Variants in CSMD3 observed in about 807,000 individuals in gnomAD.
The protein encoded by CSMD3 is CUB and sushi domain-containing protein 3.
A neutral mutation model predicts 435.2 loss-of-function variants in CSMD3; 177 were observed. The ratio of observed to expected loss-of-function variants is 0.41; its 90% confidence interval spans 0.36 to 0.46. The LOEUF (loss-of-function observed/expected upper bound fraction) is 0.46, where lower values mean the gene tolerates loss of function less well. Among genes scored for constraint, CSMD3 ranks in the 20% least tolerant of loss-of-function variants. The pLI, the probability that CSMD3 is intolerant of heterozygous loss-of-function variation, is 0.34. For missense variants in CSMD3, 4,265 were observed against 4,504.6 expected, an observed-to-expected ratio of 0.95 and a Z score of 1.52; for synonymous variants, 1,656 against 1,520.5, an observed-to-expected ratio of 1.09 and a Z score of -2.07.
At chr8:112,622,613 C>T (rs13256001) in intron 22 of CSMD3, among the ~76,000 whole-genome samples, 91,677 of 151,836 alleles carry the variant, frequency 0.6, 28,812 homozygotes, top group African/African-American at 0.78. Flanking sequence ...TAATTTGGTC[C>T]GTATGCAAAA....
intron 22 of CSMD3, among the ~76,000 whole-genome samples, chr8:112,614,361 T>C (rs972103953): frequency 1.3e-5 from 2 of 152,136 alleles, no homozygotes. Flanking sequence ...TGTTTGTCCC[T>C]TTGACAAGCC....
intron 23 of CSMD3, among the ~76,000 whole-genome samples, chr8:112,579,015 G>C (rs962852724): frequency 2.0e-5 from 3 of 151,912 alleles, no homozygotes; most frequent in Non-Finnish European, 4.4e-5. Context: ...GTTTTTGCCA[G>C]ACTTTTGTGT....
intron 3 of CSMD3, among the ~76,000 whole-genome samples, chr8:113,186,951 T>C (rs1015171978): frequency 2.0e-5 from 3 of 151,950 alleles, no homozygotes; most frequent in South Asian, 4.1e-4. Flanking sequence ...CTCTACACCA[T>C]GCATGCTTGG....
chr8:113,409,079 CTTTTTTTTT>C (rs1218107775), intron 1 of CSMD3, among the ~76,000 whole-genome samples: 1 of 99,092 alleles, frequency 1.0e-5, no homozygotes, highest in African/African-American at 3.8e-5. Context: ...TCTTCTTCTT[CTTTTTTTTT>C]TTTTTTTTTT....
chr8:113,311,667 T>G (rs2093870124), intron 2 of CSMD3: 1 of 152,134 alleles, frequency 6.6e-6, no homozygotes, highest in African/African-American at 2.4e-5. Flanking sequence ...TTTCGACTTC[T>G]AATCAAACAG....
intron 67 of CSMD3, among the ~76,000 whole-genome samples, chr8:112,236,953 AG>A (rs1337130507): frequency 6.6e-6 from 1 of 152,136 alleles, no homozygotes; most frequent in Non-Finnish European, 1.5e-5. Context: ...ATCTAATTCT[AG>A]CTACCAAAAA....
At chr8:113,188,543 T>C (rs1157064141) in intron 3 of CSMD3, among the ~76,000 whole-genome samples, 1 of 151,926 alleles carries the variant, frequency 6.6e-6, no homozygotes, top group Non-Finnish European at 1.5e-5. Flanking sequence ...GTTTCTTGGA[T>C]GACAAGGAGT....
intron 5 of CSMD3, among the ~76,000 whole-genome samples, chr8:113,078,939 T>C (rs1322896283): frequency 1.3e-5 from 2 of 152,146 alleles, no homozygotes; most frequent in African/African-American, 4.8e-5. Context: ...CTAGTTAATA[T>C]GTACCTGATA....
At chr8:113,131,411 T>C (rs186033679) in intron 4 of CSMD3, among the ~76,000 whole-genome samples, 5 of 152,174 alleles carry the variant, frequency 3.3e-5, no homozygotes, top group Admixed American at 6.5e-5. Context: ...CCTCTAGTCA[T>C]GGCTAAAAGG....
Position 112,653,655 on chromosome 8 carries a change from C to A in CSMD3, c.3004+2499G>T, listed in dbSNP as rs1056183629. Among the ~76,000 whole-genome samples, 26 of 144,904 alleles carry A rather than the reference C, an allele frequency of 1.8e-4. 1 individual carries two copies. Among genetic ancestry groups the A allele is most frequent in the African/African-American group, 5.8e-4 (23 of 39,872 alleles). ...ATGTGTTTTGAAACCTCTAAATAAT[C>A]TTATCTTTTTTTTTTTTTTTTTGAG... is the stretch of plus-strand genomic sequence containing the variant. On this transcript the variant is annotated intron_variant, in intron 18 of 70. Transcript: ENST00000297405.
rs576492793 is a variant in CSMD3 at position 112,750,211 on chromosome 8, TGG to T, written c.1972+49949_1972+49950del. On this transcript the variant is annotated intron_variant, in intron 13 of 70. Coordinates refer to ENST00000297405, the MANE Select transcript of CSMD3 (RefSeq NM_198123.2). ...ATTAGTAATTGTTCAGTAAACTTTC[TGG>T]GAATCATAATAAAAAGAAAGATAAC... Among the ~76,000 whole-genome samples the T allele has an allele frequency of 4.3e-3, 648 of 152,110 alleles. 2 individuals carry two copies. Among genetic ancestry groups the T allele is most frequent in the African/African-American group, 0.014 (564 of 41,572 alleles).
chr8:113,162,153 T>G (rs374196426), intron 4 of CSMD3, among the ~76,000 whole-genome samples: 4 of 151,990 alleles, frequency 2.6e-5, no homozygotes, highest in African/African-American at 9.7e-5. Context: ...TTTGATTGGG[T>G]GGTTGGTGGG....
intron 4 of CSMD3, among the ~76,000 whole-genome samples, chr8:113,150,685 T>G (rs2091785677): frequency 6.6e-6 from 1 of 152,032 alleles, no homozygotes; most frequent in Non-Finnish European, 1.5e-5. Flanking sequence ...GGACAAGATT[T>G]TCATGTTTTA....
intron 10 of CSMD3, among the ~76,000 whole-genome samples, chr8:112,893,980 G>C (rs1314646628): frequency 6.6e-6 from 1 of 151,264 alleles, no homozygotes; most frequent in Non-Finnish European, 1.5e-5. Context: ...GTTGTAACTT[G>C]ATAAAATAAA....
At chr8:112,299,026 G>A (rs1820638194) in intron 53 of CSMD3, among the ~76,000 whole-genome samples, 2 of 152,044 alleles carry the variant, frequency 1.3e-5, no homozygotes. Context: ...ATCCTATTGA[G>A]CAATAAAAGG....
At chr8:112,957,131 CA>C (rs1212374504) in intron 7 of CSMD3, among the ~76,000 whole-genome samples, 2 of 151,858 alleles carry the variant, frequency 1.3e-5, no homozygotes, top group African/African-American at 4.8e-5. Context: ...AATCATGTAT[CA>C]GGTATTTAAT....
chr8:113,144,047 ATTAT>A (rs535954038), intron 4 of CSMD3, among the ~76,000 whole-genome samples: 266 of 151,078 alleles, frequency 1.8e-3, no homozygotes, highest in Admixed American at 2.7e-3. Context: ...AAATGTGATA[ATTAT>A]TTAGTTACTA....
chr8:112,548,966 A>G (rs1827436179), intron 27 of CSMD3, among the ~76,000 whole-genome samples: 1 of 152,064 alleles, frequency 6.6e-6, no homozygotes, highest in Admixed American at 6.6e-5. Context: ...ATGTACTGCT[A>G]TTTTCACAGA....
intron 1 of CSMD3, among the ~76,000 whole-genome samples, chr8:113,367,009 G>T (rs1348780745): frequency 3.3e-5 from 5 of 151,794 alleles, no homozygotes; most frequent in Admixed American, 2.6e-4. Context: ...AAAATATGTT[G>T]AAATGAGTAC....
Sources: allele counts gnomAD v4.1 joint callset (sites outside exome capture counted in the v4.1 genomes callset), GRCh38; gene constraint gnomAD v4.1.1; transcripts MANE v1.5; gene names NCBI Gene and HGNC (gene_info 2026-07-23, HGNC 2026-07-21).